The following PCDH15 variants were observed in gnomAD, a reference collection of about 807,000 sequenced individuals.
The protein encoded by PCDH15 is protocadherin-15.
In PCDH15, 129 loss-of-function variants were observed where a neutral mutation model predicts 178.5. The ratio of observed to expected loss-of-function variants is 0.72; its 90% CI spans 0.63 to 0.84. The LOEUF (loss-of-function observed/expected upper bound fraction) is 0.84. Ranked by LOEUF, PCDH15 falls within the 40% of genes least tolerant of loss-of-function variation. The pLI is 0.00. For synonymous variants in PCDH15, 800 were observed against 732.0 expected (o/e 1.09, Z -1.50); for missense variants, 2,230 against 2,099.9 (o/e 1.06, Z -1.21).
intron 1 of PCDH15, among the ~76,000 whole-genome samples, chr10:55,307,926 T>G (rs1304023424): frequency 6.6e-6 from 1 of 152,128 alleles, no homozygotes; most frequent in Non-Finnish European, 1.5e-5. Context: ...TTGCTCTTTT[T>G]GAATAAAAAT....
intron 4 of PCDH15, among the ~76,000 whole-genome samples, chr10:54,376,434 A>G: frequency 6.6e-6 from 1 of 150,888 alleles, no homozygotes; most frequent in East Asian, 1.9e-4. Context: ...AAAGGTATAT[A>G]TATTTACATA....
intron 37 of PCDH15, chr10:53,808,821 A>G (rs922531615): frequency 6.2e-7 from 1 of 1,611,254 alleles, no homozygotes; most frequent in Non-Finnish European, 8.5e-7. Context: ...TACTACTGCT[A>G]CTACTACCTG....
At chr10:54,157,821 C>T (rs568122213) in intron 13 of PCDH15, among the ~76,000 whole-genome samples, 8 of 152,258 alleles carry the variant, frequency 5.3e-5, no homozygotes, top group Admixed American at 1.3e-4. Flanking sequence ...AAATTTATTC[C>T]GCCAGGTATC....
chr10:55,361,444 A>G (rs1322367459), intron 2 of PCDH15, among the ~76,000 whole-genome samples: 1 of 152,086 alleles, frequency 6.6e-6, no homozygotes, highest in African/African-American at 2.4e-5. Flanking sequence ...AACACTGAAT[A>G]TTCTAAGTAA....
intron 3 of PCDH15, among the ~76,000 whole-genome samples, chr10:54,449,665 A>T (rs146030361): frequency 0.011 from 1,625 of 151,968 alleles, 30 homozygotes; most frequent in African/African-American, 0.037. Flanking sequence ...GTTTATCCCT[A>T]AGCAAGACAG....
chr10:54,549,512 G>A (rs2086290901), intron 2 of PCDH15, among the ~76,000 whole-genome samples: 2 of 151,872 alleles, frequency 1.3e-5, no homozygotes, highest in Non-Finnish European at 2.9e-5. Context: ...GTCAGAGAAT[G>A]TGGGTATACT....
chr10:54,526,522 T>C (rs1040265671), intron 3 of PCDH15, among the ~76,000 whole-genome samples: 1 of 152,154 alleles, frequency 6.6e-6, no homozygotes, highest in African/African-American at 2.4e-5. Context: ...TTTTCATATA[T>C]CTTTTACTTT....
intron 18 of PCDH15, among the ~76,000 whole-genome samples, chr10:54,042,950 G>A (rs2093580319): frequency 6.6e-6 from 1 of 152,014 alleles, no homozygotes; most frequent in Non-Finnish European, 1.5e-5. Flanking sequence ...TACTGATAAT[G>A]CAAGAATCAG....
chr10:54,410,921 A>G (rs553256589), intron 3 of PCDH15, among the ~76,000 whole-genome samples: 155 of 152,254 alleles, frequency 1.0e-3, no homozygotes, highest in Non-Finnish European at 1.9e-3. Flanking sequence ...TTGCTGCTCA[A>G]TAGCTGACTC....
chr10:54,001,300 T>C (rs906124555), intron 20 of PCDH15, among the ~76,000 whole-genome samples: 7 of 152,176 alleles, frequency 4.6e-5, no homozygotes, highest in African/African-American at 1.7e-4. Context: ...TATAACACTG[T>C]AACTGTGGTG....
intron 3 of PCDH15, among the ~76,000 whole-genome samples, chr10:54,389,552 A>G (rs1950292950): frequency 6.6e-6 from 1 of 152,144 alleles, no homozygotes; most frequent in Admixed American, 6.5e-5. Context: ...TCATCTTCAC[A>G]CGAGAACTTG....
At chr10:54,527,966 A>G (rs2083520715) in intron 2 of PCDH15, 89 bp from the exon 3 acceptor site, 1 of 1,032,420 alleles carries the variant, frequency 9.7e-7, no homozygotes, top group Non-Finnish European at 1.5e-6. Context: ...ATTAATATTT[A>G]AAAAGGAAAA....
chr10:55,463,211 A>C (rs1839717876), intron 2 of PCDH15, among the ~76,000 whole-genome samples: 1 of 152,170 alleles, frequency 6.6e-6, no homozygotes, highest in Admixed American at 6.5e-5. Context: ...AATTTTCTAG[A>C]ACAATATGAA....
intron 8 of PCDH15, among the ~76,000 whole-genome samples, chr10:54,291,968 T>A (rs562270034): frequency 1.3e-5 from 2 of 152,328 alleles, no homozygotes; most frequent in African/African-American, 4.8e-5. Flanking sequence ...CTAACTCATT[T>A]TACGAGGCCA....
intron 1 of PCDH15, among the ~76,000 whole-genome samples, chr10:55,261,315 A>G (rs1842140411): frequency 6.6e-6 from 1 of 152,172 alleles, no homozygotes; most frequent in Non-Finnish European, 1.5e-5. Context: ...TCTTCATAAT[A>G]ATATCCCATT....
intron 2 of PCDH15, among the ~76,000 whole-genome samples, chr10:55,055,171 A>G (rs181707026): frequency 2.4e-3 from 368 of 152,232 alleles, no homozygotes; most frequent in African/African-American, 8.5e-3. Context: ...TCTTTAATCC[A>G]TCTTGTTAAT....
intron 2 of PCDH15, among the ~76,000 whole-genome samples, chr10:55,151,007 T>A (rs981236625): frequency 2.0e-5 from 3 of 152,144 alleles, no homozygotes; most frequent in African/African-American, 7.2e-5. Context: ...AAATTGAATA[T>A]CACAGTTAAT....
intron 1 of PCDH15, among the ~76,000 whole-genome samples, chr10:54,716,460 T>G (rs140639123): frequency 0.12 from 18,488 of 152,064 alleles, 1,249 homozygotes; most frequent in African/African-American, 0.17. Flanking sequence ...TAGTTCTCCT[T>G]GAAGAGGTCC....
chr10:53,808,647 C>T (rs774110884), intron 37 of PCDH15: 67 of 1,581,818 alleles, frequency 4.2e-5, no homozygotes, highest in Admixed American at 7.0e-5. Context: ...GCACTGCACA[C>T]GAGAGCACTC....
Sources: allele counts gnomAD v4.1 joint callset (sites outside exome capture counted in the v4.1 genomes callset), GRCh38; gene constraint gnomAD v4.1.1; transcripts MANE v1.5; gene names NCBI Gene and HGNC (gene_info 2026-07-23, HGNC 2026-07-21).